Variants in RBFOX1 observed in about 807,000 individuals in gnomAD.
The protein encoded by RBFOX1 is RNA binding fox-1 homolog 1.
A neutral mutation model predicts 57.7 loss-of-function variants in RBFOX1; 8 were observed. The observed-to-expected ratio is 0.14, with a 90% CI of 0.08 to 0.25. RBFOX1 has a LOEUF of 0.25. Ranked by LOEUF, RBFOX1 falls within the 10% of genes least tolerant of loss-of-function variation. The pLI, the probability that RBFOX1 is intolerant of heterozygous loss-of-function variation, is 1.00. For missense variants in RBFOX1, 611 were observed against 548.5 expected (o/e 1.11, Z -1.14); for synonymous variants, 326 against 222.4 (o/e 1.47, Z -4.15).
intron 4 of RBFOX1, among the ~76,000 whole-genome samples, chr16:7,148,755 T>C (rs2075542479): frequency 1.3e-5 from 2 of 152,186 alleles, no homozygotes; most frequent in African/African-American, 4.8e-5. Flanking sequence ...CGAAGAGGCC[T>C]GGGAGGCAGA....
chr16:5,767,853 C>A (rs1174801092), intron 3 of RBFOX1, among the ~76,000 whole-genome samples: 2 of 152,122 alleles, frequency 1.3e-5, no homozygotes, highest in East Asian at 3.9e-4. Context: ...CAGCATAATT[C>A]TTTGAGGATT....
chr16:5,536,358 C>T (rs2044698253), intron 2 of RBFOX1, among the ~76,000 whole-genome samples: 1 of 151,254 alleles, frequency 6.6e-6, no homozygotes, highest in Non-Finnish European at 1.5e-5. Flanking sequence ...CCTCAGCCTG[C>T]TGAGTAGCTG....
At chr16:6,839,852 G>A (rs11641668) in intron 3 of RBFOX1, among the ~76,000 whole-genome samples, 2 of 151,960 alleles carry the variant, frequency 1.3e-5, no homozygotes, top group Non-Finnish European at 2.9e-5. Context: ...CTGTTCTTAC[G>A]TGATATTTGG....
At chr16:7,574,844 C>G (rs1001105039) in intron 5 of RBFOX1, among the ~76,000 whole-genome samples, 2 of 152,140 alleles carry the variant, frequency 1.3e-5, no homozygotes, top group African/African-American at 2.4e-5. Context: ...AACATTCATT[C>G]CTCCTTCTCC....
intron 2 of RBFOX1, among the ~76,000 whole-genome samples, chr16:6,484,275 C>T (rs1199371746): frequency 2.6e-5 from 4 of 152,134 alleles, no homozygotes; most frequent in Non-Finnish European, 5.9e-5. Flanking sequence ...TTGGCATGCT[C>T]ACGTTGCAAG....
intron 3 of RBFOX1, among the ~76,000 whole-genome samples, chr16:5,856,187 C>CTCTCTATA (rs1430331422): frequency 1.2e-3 from 36 of 31,064 alleles, no homozygotes; most frequent in African/African-American, 4.4e-3. Flanking sequence ...CTCTCTCTCT[C>CTCTCTATA]TATATATATA....
At chr16:5,480,797 C>G (rs1337668488) in intron 2 of RBFOX1, among the ~76,000 whole-genome samples, 1 of 152,202 alleles carries the variant, frequency 6.6e-6, no homozygotes, top group Admixed American at 6.5e-5. Context: ...TCAGTGCATG[C>G]ATAATATGTC....
chr16:6,958,779 T>C (rs1003590481), intron 3 of RBFOX1, among the ~76,000 whole-genome samples: 2 of 152,130 alleles, frequency 1.3e-5, no homozygotes, highest in African/African-American at 4.8e-5. Context: ...GAAACATTAA[T>C]GAAAATGAGG....
chr16:6,299,474 A>T (rs1035577786), intron 1 of RBFOX1, among the ~76,000 whole-genome samples: 4 of 152,162 alleles, frequency 2.6e-5, no homozygotes, highest in Non-Finnish European at 5.9e-5. Context: ...AACTTGCCCA[A>T]GGTCACAGCG....
intron 3 of RBFOX1, among the ~76,000 whole-genome samples, chr16:6,687,242 G>T (rs2059567779): frequency 6.6e-6 from 1 of 152,120 alleles, no homozygotes; most frequent in African/African-American, 2.4e-5. Context: ...CTATGACTCT[G>T]CAGAGGCACA....
intron 3 of RBFOX1, among the ~76,000 whole-genome samples, chr16:6,864,746 C>A (rs1042781403): frequency 2.0e-5 from 3 of 151,914 alleles, no homozygotes; most frequent in African/African-American, 7.3e-5. Flanking sequence ...TTGCTCTGTT[C>A]AACCTGTATT....
intron 4 of RBFOX1, among the ~76,000 whole-genome samples, chr16:7,426,335 G>A (rs1188891136): frequency 2.0e-5 from 3 of 152,308 alleles, no homozygotes; most frequent in South Asian, 2.1e-4. Flanking sequence ...GGTGATTAGA[G>A]GGGAGTTGCC....
At chr16:6,802,296 T>G (rs1341117708) in intron 3 of RBFOX1, among the ~76,000 whole-genome samples, 3 of 152,176 alleles carry the variant, frequency 2.0e-5, no homozygotes, top group Non-Finnish European at 2.9e-5. Context: ...AGACCTGATT[T>G]GCCACACAGG....
At chr16:7,443,969 A>G (rs150907906) in intron 4 of RBFOX1, among the ~76,000 whole-genome samples, 3 of 152,314 alleles carry the variant, frequency 2.0e-5, no homozygotes, top group East Asian at 3.9e-4. Flanking sequence ...AGCTGTACAT[A>G]TTTATCTTCA....
In RBFOX1 at chr16:5,835,841, A is replaced by G. The variant is rs149811566; in HGVS notation, c.319-31462A>G. Reference sequence around the variant, plus strand: ...CAATTGATTACGAGCTCTTGGAGGAACCATGCCCACAGGCCTCCCATCCCT... The same window carrying G: ...CAATTGATTACGAGCTCTTGGAGGAGCCATGCCCACAGGCCTCCCATCCCT... On this transcript the variant is annotated intron_variant, in intron 3 of 19. Coordinates refer to the RBFOX1 transcript ENST00000641259. 6.6e-3 allele frequency among the ~76,000 whole-genome samples: 998 copies of G among 152,240 alleles called. 21 individuals are homozygous for G. Among genetic ancestry groups the G allele is most frequent in the African/African-American group, 0.023 (944 of 41,542 alleles).
At chr16:7,235,005 T>C (rs2093698296) in intron 4 of RBFOX1, among the ~76,000 whole-genome samples, 1 of 152,136 alleles carries the variant, frequency 6.6e-6, no homozygotes, top group Non-Finnish European at 1.5e-5. Context: ...AAACGGAATG[T>C]CTAACGATTT....
At chr16:7,588,916 G>A (rs554652758) in intron 7 of RBFOX1, among the ~76,000 whole-genome samples, 1 of 152,158 alleles carries the variant, frequency 6.6e-6, no homozygotes, top group African/African-American at 2.4e-5. Flanking sequence ...TAATCTGTCA[G>A]ATGAGCAAAA....
intron 4 of RBFOX1, among the ~76,000 whole-genome samples, chr16:5,976,429 A>T (rs2060064600): frequency 6.6e-6 from 1 of 152,210 alleles, no homozygotes; most frequent in Non-Finnish European, 1.5e-5. Flanking sequence ...TTGGCCTTAG[A>T]ACCCCTTTTG....
chr16:7,044,179 G>A (rs940862639), intron 3 of RBFOX1, among the ~76,000 whole-genome samples: 2 of 152,146 alleles, frequency 1.3e-5, no homozygotes, highest in Admixed American at 6.6e-5. Flanking sequence ...ATATGTGCAT[G>A]TGTGGGTATG....
Sources: gnomAD v4.1 joint callset for allele counts (sites outside exome capture counted in the v4.1 genomes callset) on GRCh38, gnomAD v4.1.1 for gene constraint, MANE v1.5 for transcripts, NCBI Gene and HGNC (gene_info 2026-07-23, HGNC 2026-07-21) for gene names.